PLA2G4C: variants seen among roughly 807,000 people sequenced by gnomAD.
PLA2G4C encodes phospholipase A2 group IVC.
Under a neutral mutation model 73.8 loss-of-function variants are expected in PLA2G4C, and 64 were observed. The ratio of observed to expected loss-of-function variants is 0.87; its 90% CI spans 0.71 to 1.07. The LOEUF (loss-of-function observed/expected upper bound fraction) is 1.07, where lower values mean the gene tolerates loss of function less well. Among genes scored for constraint, PLA2G4C ranks in the 50% least tolerant of loss-of-function variants. The pLI, the probability that PLA2G4C is intolerant of heterozygous loss-of-function variation, is 0.00. For missense variants in PLA2G4C, 622 were observed against 665.4 expected, an observed-to-expected ratio of 0.93 and a Z score of 0.72; for synonymous variants, 254 against 252.1, an observed-to-expected ratio of 1.01 and a Z score of -0.07.
chr19:48,048,626 T>A (rs1306264049), intron 16 of PLA2G4C, among the ~76,000 whole-genome samples: 1 of 152,234 alleles, frequency 6.6e-6, no homozygotes, highest in African/African-American at 2.4e-5. Flanking sequence ...TTATTAAGCA[T>A]GTATCAGGAG....
chr19:48,091,349 C>A (rs2031285684), intron 7 of PLA2G4C, among the ~76,000 whole-genome samples: 1 of 152,046 alleles, frequency 6.6e-6, no homozygotes, highest in Non-Finnish European at 1.5e-5. Flanking sequence ...CCACGCCCTG[C>A]TAATTTTTGT....
At chr19:48,059,129 G>C (rs374187915) in intron 14 of PLA2G4C, among the ~76,000 whole-genome samples, 3 of 152,124 alleles carry the variant, frequency 2.0e-5, no homozygotes, top group East Asian at 1.9e-4. Context: ...AAATTAGCTG[G>C]GTGTGGTGGC....
At chr19:48,084,042 G>T (rs1419435016) in intron 10 of PLA2G4C, among the ~76,000 whole-genome samples, 4 of 68,358 alleles carry the variant, frequency 5.9e-5, no homozygotes, top group African/African-American at 3.2e-4. Context: ...TGCCAATTTT[G>T]TGTGTGTGTG....
At position 48,098,279 on chromosome 19, in the gene PLA2G4C, G is replaced by C; in HGVS notation, c.448-20C>G. 1 of 1,601,938 alleles carries C rather than the reference G, an allele frequency of 6.2e-7. No homozygotes were observed. Among genetic ancestry groups the C allele is most frequent in the Non-Finnish European group, 8.5e-7 (1 of 1,173,416 alleles). On this transcript the variant is annotated intron_variant, in intron 5 of 16. Coordinates refer to ENST00000599921, the MANE Select transcript of PLA2G4C (RefSeq NM_003706.3). ...CGGCAGCTTTGGGAGAAGGTGCCAA[G>C]ACAGTGTGAGGGAGGCATGTGGGTC...
intron 10 of PLA2G4C, among the ~76,000 whole-genome samples, chr19:48,079,700 G>A (rs1025404336): frequency 6.6e-6 from 1 of 152,184 alleles, no homozygotes; most frequent in African/African-American, 2.4e-5. Flanking sequence ...ATATGGGAAC[G>A]ATGGCTCACG....
In PLA2G4C at chr19:48,062,163, C is replaced by T. The variant is rs533276629; in HGVS notation, c.1103-11G>A. On this transcript the variant is annotated splice_polypyrimidine_tract_variant and intron_variant, in intron 13 of 16. Coordinates refer to ENST00000599921, the MANE Select transcript of PLA2G4C (RefSeq NM_003706.3). ...TGTCCCGGATGCCACCTGTGGTGCC[C>T]AGGAAGAAAGAGGATCAGCTGCTTC... The T allele has an allele frequency of 2.6e-6, 4 of 1,541,452 alleles. No homozygotes were observed. The African/African-American group carries it at 5.5e-5, about 21-fold the overall frequency.
intron 11 of PLA2G4C, among the ~76,000 whole-genome samples, chr19:48,077,186 C>A (rs2030221927): frequency 6.6e-6 from 1 of 152,072 alleles, no homozygotes; most frequent in Admixed American, 6.6e-5. Flanking sequence ...GTACATGGAT[C>A]CTATGGTTAG....
chr19:48,075,174 A>T (rs1376813080), intron 11 of PLA2G4C, among the ~76,000 whole-genome samples: 1 of 149,548 alleles, frequency 6.7e-6, no homozygotes, highest in African/African-American at 2.5e-5. Flanking sequence ...TTATTTATTT[A>T]TTTATTTATT....
chr19:48,048,815 G>A (rs549913260), intron 16 of PLA2G4C, among the ~76,000 whole-genome samples: 116 of 152,206 alleles, frequency 7.6e-4, no homozygotes, highest in African/African-American at 2.4e-3. Flanking sequence ...TTGGAAATTC[G>A]TCCCCTCCAA....
At chr19:48,095,349 C>CT in intron 7 of PLA2G4C, 115 bp downstream of exon 7, 1 of 969,332 alleles carries the variant, frequency 1.0e-6, no homozygotes, top group Non-Finnish European at 1.6e-6. Context: ...CTACCAAGTC[C>CT]TTTTCTTTCC....
intron 7 of PLA2G4C, among the ~76,000 whole-genome samples, chr19:48,092,713 G>A (rs146064164): frequency 4.7e-4 from 71 of 152,292 alleles, no homozygotes; most frequent in African/African-American, 1.4e-3. Context: ...AGTCAAAATC[G>A]TAGAGGCAGA....
rs760352102 is a variant in PLA2G4C, at chr19:48,053,165, C to T, written c.1430-18G>A. The T allele has an allele frequency of 2.1e-5, 32 of 1,549,464 alleles. No homozygotes were observed. In the South Asian group the frequency reaches 3.8e-4, roughly 18 times the overall value. On this transcript the variant is annotated intron_variant, in intron 15 of 16. Transcript: ENST00000599921. ...AATATCACCTGAAGCATAACCAAAC[C>T]AACAAAGAAAAGGCATCATGAGTTT...
rs1287066171 is a variant in PLA2G4C at position 48,110,514 on chromosome 19, A to G, written c.-60T>C. On this transcript the variant is annotated 5_prime_UTR_variant, in exon 1 of 17. An upstream start codon of the reference 5' UTR is lost. Coordinates refer to ENST00000599921, the MANE Select transcript of PLA2G4C (RefSeq NM_003706.3). Reference sequence around the variant, plus strand: ...GAGCCTGGGTCTGGGGCGTGTGCGCATGCGCGGTGGAGCTTGTGCTCCGGA... The same window carrying G: ...GAGCCTGGGTCTGGGGCGTGTGCGCGTGCGCGGTGGAGCTTGTGCTCCGGA... 32 of 1,011,992 alleles carry G rather than the reference A, an allele frequency of 3.2e-5. No homozygotes were observed. The East Asian group carries it at 2.4e-3, about 76-fold the overall frequency. 62.7% of individuals were successfully genotyped at this position (1,011,992 alleles called of 1,614,324 possible).
At chr19:48,086,726 A>G (rs534316620) in intron 9 of PLA2G4C, among the ~76,000 whole-genome samples, 1 of 152,252 alleles carries the variant, frequency 6.6e-6, no homozygotes, top group African/African-American at 2.4e-5. Context: ...TCCTGGTAGG[A>G]TAACACTGGG....
In PLA2G4C at chr19:48,048,408, A is replaced by G. The variant is rs769787733; in HGVS notation, c.1581-20T>C. Reference sequence around the variant, plus strand: ...TAGAGCCTGGGGAGAAAGGAAAGTTAGAAGTTACCACTGTGCTTTGTAGGC... The same window carrying G: ...TAGAGCCTGGGGAGAAAGGAAAGTTGGAAGTTACCACTGTGCTTTGTAGGC... On this transcript the variant is annotated intron_variant, in intron 16 of 16. Coordinates refer to ENST00000599921, the MANE Select transcript of PLA2G4C (RefSeq NM_003706.3). The G allele has an allele frequency of 1.1e-5, 18 of 1,573,980 alleles. No homozygotes were observed. Among genetic ancestry groups the G allele is most frequent in the Non-Finnish European group, 1.5e-5 (17 of 1,163,188 alleles).
intron 14 of PLA2G4C, among the ~76,000 whole-genome samples, chr19:48,058,673 C>G (rs1333690561): frequency 6.6e-6 from 1 of 151,772 alleles, no homozygotes; most frequent in East Asian, 2.0e-4. Context: ...CAGAAATTAG[C>G]CGGGCATGGT....
At chr19:48,053,232 C>T in intron 15 of PLA2G4C, 85 bp from the exon 16 acceptor site, 1 of 1,042,376 alleles carries the variant, frequency 9.6e-7, no homozygotes, top group Admixed American at 2.3e-5. Context: ...TACATCAGGG[C>T]TTGGCAAACT....
rs193051715 is a variant in PLA2G4C at position 48,109,680 on chromosome 19, C to T, written c.-33+807G>A. Among the ~76,000 whole-genome samples the T allele has an allele frequency of 1.5e-3, 228 of 151,148 alleles. 4 individuals carry two copies. Among genetic ancestry groups the T allele is most frequent in the African/African-American group, 5.2e-3 (213 of 41,128 alleles). ...TTTATTTTTTTTTGAGATGGAGTCT[C>T]GCTTTGTGCCCTAGGCTGGAGTGCA... On this transcript the variant is annotated intron_variant, in intron 1 of 16. Coordinates refer to ENST00000599921, the MANE Select transcript of PLA2G4C (RefSeq NM_003706.3).
In PLA2G4C at chr19:48,067,838, G is replaced by A. The variant is rs759109863; in HGVS notation, c.1055C>T (p.Ala352Val). Residue 352 changes from alanine (A) to valine (V), a missense_variant, in exon 13 of 17, where the codon GCT (alanine) becomes GTT (valine). Transcript: ENST00000599921. Reference protein sequence around the residue: ...MDFVKKTGICASKWEWGTTHN... With the variant: ...MDFVKKTGICVSKWEWGTTHN... Reference sequence around the variant, plus strand: ...AGTGGTCCCCCATTCCCACTTTGAAGCGCAAATGCCTGTTTTCTTCACAAA... The same window carrying A: ...AGTGGTCCCCCATTCCCACTTTGAAACGCAAATGCCTGTTTTCTTCACAAA... The A allele has an allele frequency of 6.2e-7, 1 of 1,613,910 alleles. No individual in the cohort carries two copies. The highest frequency in any genetic ancestry group is 8.5e-7 in the Non-Finnish European group (1 of 1,179,786).
Sources: gnomAD v4.1 joint callset for allele counts (sites outside exome capture counted in the v4.1 genomes callset) on GRCh38, gnomAD v4.1.1 for gene constraint, MANE v1.5 for transcripts, NCBI Gene and HGNC (gene_info 2026-07-23, HGNC 2026-07-21) for gene names.